The following MKNK2 variants were observed in gnomAD, a reference collection of about 807,000 sequenced individuals.
The protein encoded by MKNK2 is MAP kinase-interacting serine/threonine-protein kinase 2.
Under a neutral mutation model 55.0 loss-of-function variants are expected in MKNK2, and 54 were observed. The ratio of observed to expected loss-of-function variants is 0.98; its 90% CI spans 0.79 to 1.23. MKNK2 has a LOEUF of 1.23. Ranked by LOEUF, MKNK2 falls within the 50% of genes most tolerant of loss-of-function variation. The pLI, the probability that MKNK2 is intolerant of heterozygous loss-of-function variation, is 0.00. For synonymous variants in MKNK2, 323 were observed against 256.0 expected, an observed-to-expected ratio of 1.26 and a Z score of -2.50; for missense variants, 685 against 632.1, an observed-to-expected ratio of 1.08 and a Z score of -0.90.
rs1254577594 is a variant in MKNK2 at position 2,046,669 on chromosome 19, G to A, written c.74C>T (p.Ala25Val). 3.9e-6 allele frequency: 6 copies of A among 1,543,646 alleles called. No homozygotes were observed. Among genetic ancestry groups the A allele is most frequent in the South Asian group, 3.7e-5 (3 of 82,162 alleles). Residue 25 changes from alanine (A) to valine (V), a missense_variant, in exon 3 of 14, where the codon GCC (alanine) becomes GTC (valine). Physicochemically the swap from Ala to Val is moderately conservative, Grantham distance 64 (BLOSUM62 0). Coordinates refer to ENST00000250896, the MANE Select transcript of MKNK2 (RefSeq NM_199054.3). ...GTGGTCGGGCTGGTCTAGGGAGAAG[G>A]CCAGCTCGAAGGGGTTCTGCCCCTG... Reference protein sequence around the residue: ...SFKGQNPFELAFSLDQPDHGD... With the variant: ...SFKGQNPFELVFSLDQPDHGD...
intron 11 of MKNK2, among the ~76,000 whole-genome samples, chr19:2,041,568 G>T (rs1164919290): frequency 6.6e-6 from 1 of 152,166 alleles, no homozygotes; most frequent in Non-Finnish European, 1.5e-5. Flanking sequence ...AAGCCTTCGG[G>T]AAACTGGCAG....
At chr19:2,039,920 G>T (rs757812971) in intron 13 of MKNK2, 64 bp from the exon 14 acceptor site, 1 of 1,534,770 alleles carries the variant, frequency 6.5e-7, no homozygotes, top group Non-Finnish European at 8.8e-7. Context: ...CCTGGGGTCT[G>T]TGAAGGCCCT....
chr19:2,046,528 C>A (rs1017829867), intron 3 of MKNK2, 60 bp from the exon 4 acceptor site: 9 of 1,562,548 alleles, frequency 5.8e-6, no homozygotes, highest in African/African-American at 1.4e-5. Context: ...CGGCCCCCAC[C>A]CCCCTGCAGG....
At chr19:2,044,608 G>A (rs1445281283) in intron 5 of MKNK2, among the ~76,000 whole-genome samples, 1 of 152,262 alleles carries the variant, frequency 6.6e-6, no homozygotes, top group Non-Finnish European at 1.5e-5. Context: ...GGTGGCAGCA[G>A]GGATGTGGCA....
At chr19:2,046,955 TTC>T (rs1039029772) in intron 2 of MKNK2, among the ~76,000 whole-genome samples, 95 of 152,200 alleles carry the variant, frequency 6.2e-4, no homozygotes, top group African/African-American at 1.4e-3. Flanking sequence ...GTGTGTGGAT[TTC>T]TCTCTTTTTT....
At position 2,041,221 on chromosome 19, in the gene MKNK2, CAG is replaced by C. The variant is rs755621185; in HGVS notation, c.946-19_946-18del. On this transcript the variant is annotated intron_variant, in intron 11 of 13. Coordinates refer to ENST00000250896, the MANE Select transcript of MKNK2 (RefSeq NM_199054.3). ...CAGCATGTTCTGGGGACATAGAACA[CAG>C]GGGAGCTTAGACCTGCCCAAGGGCC... 3.1e-6 allele frequency: 5 copies of C among 1,604,934 alleles called. No homozygotes were observed. In the African/African-American group the frequency reaches 5.3e-5, roughly 17 times the overall value.
chr19:2,046,148 C>CA (rs752309510), intron 5 of MKNK2, 38 bp downstream of exon 5: 1 of 1,590,292 alleles, frequency 6.3e-7, no homozygotes, highest in Non-Finnish European at 8.6e-7. Flanking sequence ...ACACCGATCC[C>CA]AAGGCGCTGG....
chr19:2,038,485 G>T lies in MKNK2; in HGVS notation c.*1128C>A. On this transcript the variant is annotated 3_prime_UTR_variant, in exon 14 of 14. Coordinates refer to ENST00000250896, the MANE Select transcript of MKNK2 (RefSeq NM_199054.3). ...GGGGGTTGGAGCATGGAGGGTGGGG[G>T]GACTGAGCAGACCCCCGCATTCCTG... is the stretch of plus-strand genomic sequence containing the variant. 2.0e-6 allele frequency: 2 copies of T among 985,710 alleles called. No homozygotes were observed. The highest frequency in any genetic ancestry group is 4.7e-5 in the South Asian group (1 of 21,288). 61.1% of individuals were successfully genotyped at this position (985,710 alleles called of 1,614,324 possible).
At chr19:2,049,348 G>C (rs2017064157) in intron 2 of MKNK2, among the ~76,000 whole-genome samples, 1 of 152,228 alleles carries the variant, frequency 6.6e-6, no homozygotes, top group Non-Finnish European at 1.5e-5. Context: ...CCCCAATCCA[G>C]GGAGCAGCCG....
Position 2,042,412 on chromosome 19 carries a change from C to A in MKNK2, c.750+15G>T. ...GCAGGCGGCCGAGCCCCCAGCCCTC[C>A]CCGCGGGCCCTCACCGGAGTGAGCA... On this transcript the variant is annotated intron_variant, in intron 10 of 13. Coordinates refer to ENST00000250896, the MANE Select transcript of MKNK2 (RefSeq NM_199054.3). 6.4e-7 allele frequency: 1 copy of A among 1,560,340 alleles called. No homozygotes were observed. The highest frequency in any genetic ancestry group is 8.7e-7 in the Non-Finnish European group (1 of 1,152,940).
At chr19:2,041,752 A>G (rs1281482908) in intron 11 of MKNK2, 88 bp downstream of exon 11, 1 of 1,149,666 alleles carries the variant, frequency 8.7e-7, no homozygotes, top group Non-Finnish European at 1.2e-6. Context: ...GAGGGTGCGC[A>G]GGGCAGGTCC....
Position 2,037,863 on chromosome 19 carries a change from C to T in MKNK2, c.*1750G>A, listed in dbSNP as rs189710910. The stretch of plus-strand genomic sequence containing the variant: ...AAAAAAAAAAAAACAAACAAACAAA[C>T]GCTGCTAGCCACTCAGCTTTAGAGA... On this transcript the variant is annotated 3_prime_UTR_variant, in exon 14 of 14. Coordinates refer to ENST00000250896, the MANE Select transcript of MKNK2 (RefSeq NM_199054.3). 2.2e-3 allele frequency: 3,363 copies of T among 1,549,148 alleles called. 6 individuals carry two copies. Among genetic ancestry groups the T allele is most frequent in the Non-Finnish European group, 2.4e-3 (2,782 of 1,141,238 alleles).
chr19:2,047,367 C>A (rs1377115118), intron 2 of MKNK2, among the ~76,000 whole-genome samples: 1 of 152,190 alleles, frequency 6.6e-6, no homozygotes, highest in East Asian at 1.9e-4. Flanking sequence ...TGGGGAAGAC[C>A]TCCTCCCACC....
intron 12 of MKNK2, chr19:2,040,460 C>T (rs150482850): frequency 8.9e-5 from 40 of 450,654 alleles, no homozygotes; most frequent in South Asian, 6.7e-4. Flanking sequence ...CCATCTCTCC[C>T]GGCTGTTCCC....
rs1438674441 is a variant in MKNK2 at position 2,042,000 on chromosome 19, A to C, written c.785T>G (p.Val262Gly). 1 of 1,551,336 alleles carries C rather than the reference A, an allele frequency of 6.4e-7. No homozygotes were observed. Among genetic ancestry groups the C allele is most frequent in the Admixed American group, 2.0e-5 (1 of 50,686 alleles). ...GCTAGCCTCCTCGCTGAAGGCCTCC[A>C]CTACCTCCGGGGCCATGTACTCCGC... Reference protein sequence around the residue: ...GSAEYMAPEVVEAFSEEASIY... With the variant: ...GSAEYMAPEVGEAFSEEASIY... Residue 262 changes from valine (V) to glycine (G), a missense_variant, in exon 11 of 14, where the codon GTG (valine) becomes GGG (glycine). Val to Gly is a moderately radical substitution (Grantham distance 109). Coordinates refer to ENST00000250896, the MANE Select transcript of MKNK2 (RefSeq NM_199054.3).
At chr19:2,039,911 C>T (rs1286514726) in intron 13 of MKNK2, 55 bp from the exon 14 acceptor site, 12 of 1,553,992 alleles carry the variant, frequency 7.7e-6, no homozygotes, top group Middle Eastern at 1.8e-4. Context: ...CAGGGGACCC[C>T]TGGGGTCTGT....
chr19:2,043,957 C>A (rs1356696563), intron 5 of MKNK2, among the ~76,000 whole-genome samples: 1 of 113,372 alleles, frequency 8.8e-6, no homozygotes, highest in Non-Finnish European at 1.6e-5. Context: ...ATCCTGGTGA[C>A]AGAGTGAGAC....
chr19:2,047,834 T>G (rs935937477), intron 2 of MKNK2, among the ~76,000 whole-genome samples: 3 of 151,940 alleles, frequency 2.0e-5, no homozygotes, highest in Admixed American at 6.6e-5. Context: ...TCTGCTTCCA[T>G]CACCCCTGCC....
chr19:2,044,600 T>G (rs1278351022), intron 5 of MKNK2, among the ~76,000 whole-genome samples: 1 of 152,238 alleles, frequency 6.6e-6, no homozygotes, highest in Non-Finnish European at 1.5e-5. Context: ...GATGGCCTGG[T>G]GGCAGCAGGG....
Sources: gnomAD v4.1 joint callset for allele counts (sites outside exome capture counted in the v4.1 genomes callset) on GRCh38, gnomAD v4.1.1 for gene constraint, MANE v1.5 for transcripts, NCBI Gene and HGNC (gene_info 2026-07-23, HGNC 2026-07-21) for gene names.